Variants in MCPH1 observed in about 807,000 individuals in gnomAD.
MCPH1 encodes microcephalin 1, also known as microcephalin.
A neutral mutation model predicts 84.5 loss-of-function variants in MCPH1; 104 were observed. The ratio of observed to expected loss-of-function variants is 1.23; its 90% CI spans 1.05 to 1.45. The LOEUF (loss-of-function observed/expected upper bound fraction) is 1.45. Ranked by LOEUF, MCPH1 falls within the 40% of genes most tolerant of loss-of-function variation. The pLI is 0.00. For synonymous variants in MCPH1, 514 were observed against 366.8 expected, an observed-to-expected ratio of 1.40 and a Z score of -4.58; for missense variants, 1,498 against 1,005.7, an observed-to-expected ratio of 1.49 and a Z score of -6.62.
intron 11 of MCPH1, among the ~76,000 whole-genome samples, chr8:6,484,816 A>C (rs1435567503): frequency 6.6e-6 from 1 of 152,224 alleles, no homozygotes. Context: ...GACAAGGCCA[A>C]ACTATAGGGA....
intron 3 of MCPH1, among the ~76,000 whole-genome samples, chr8:6,416,673 T>G (rs1000424787): frequency 1.3e-5 from 2 of 152,182 alleles, no homozygotes; most frequent in Admixed American, 6.5e-5. Flanking sequence ...TTGGTCATGT[T>G]GTATACGTTG....
chr8:6,540,658 A>C (rs1250841988), intron 12 of MCPH1, among the ~76,000 whole-genome samples: 1 of 152,264 alleles, frequency 6.6e-6, no homozygotes, highest in Non-Finnish European at 1.5e-5. Flanking sequence ...CAATGACAAA[A>C]TGCTTCTCAG....
chr8:6,497,578 A>G (rs564314122), intron 11 of MCPH1, among the ~76,000 whole-genome samples: 14 of 152,266 alleles, frequency 9.2e-5, no homozygotes, highest in South Asian at 4.1e-4. Context: ...CCATCATAAT[A>G]TATGCTTTTC....
chr8:6,527,899 A>ATTTTTT (rs71213313), intron 12 of MCPH1, among the ~76,000 whole-genome samples: 1 of 133,122 alleles, frequency 7.5e-6, no homozygotes, highest in East Asian at 2.2e-4. Context: ...CCACGTCTCT[A>ATTTTTT]TTTTTTTTTT....
chr8:6,420,826 G>T (rs1480240334), intron 3 of MCPH1, among the ~76,000 whole-genome samples: 3 of 152,176 alleles, frequency 2.0e-5, no homozygotes, highest in Non-Finnish European at 4.4e-5. Context: ...TGGGTTTGCA[G>T]CAACTTCAGT....
chr8:6,543,740 C>G (rs911755564), intron 12 of MCPH1, among the ~76,000 whole-genome samples: 1 of 152,090 alleles, frequency 6.6e-6, no homozygotes, highest in Non-Finnish European at 1.5e-5. Flanking sequence ...GATGATCTGT[C>G]CCTTCGACCT....
chr8:6,643,458 T>G lies in MCPH1; in HGVS notation c.*409T>G, dbSNP rs1272508327. On this transcript the variant is annotated 3_prime_UTR_variant, in exon 14 of 14. Coordinates refer to ENST00000344683, the MANE Select transcript of MCPH1 (RefSeq NM_024596.5). ...TTTTGTAGTTTTAGTAGAGACAGGG[T>G]TTCGCCATGTTGGCCAGGCTGGTCT... 1 of 247,742 alleles carries G rather than the reference T, an allele frequency of 4.0e-6. No homozygotes were observed. 15.3% of individuals were successfully genotyped at this position (247,742 alleles called of 1,614,324 possible). A position where few individuals can be genotyped will look rare whatever the true frequency, so the allele number is the denominator to read the frequency against.
At chr8:6,438,328 G>A (rs534039999) in intron 5 of MCPH1, among the ~76,000 whole-genome samples, 184 of 152,300 alleles carry the variant, frequency 1.2e-3, no homozygotes, top group African/African-American at 4.4e-3. Flanking sequence ...TCAGGCTTAA[G>A]AGTCCCAAAG....
At chr8:6,432,578 C>G (rs2916761) in intron 4 of MCPH1, among the ~76,000 whole-genome samples, 2,266 of 152,332 alleles carry the variant, frequency 0.015, 58 homozygotes, top group African/African-American at 0.051. Context: ...TCTGAAACAT[C>G]ACAGCCAGCT....
intron 12 of MCPH1, among the ~76,000 whole-genome samples, chr8:6,584,421 G>T (rs1400157337): frequency 6.6e-6 from 1 of 152,186 alleles, no homozygotes. Flanking sequence ...ACAGCAGATG[G>T]AGATTATTGT....
At chr8:6,540,927 C>G (rs370786191) in intron 12 of MCPH1, among the ~76,000 whole-genome samples, 8 of 152,352 alleles carry the variant, frequency 5.3e-5, no homozygotes, top group East Asian at 3.9e-4. Flanking sequence ...GACAGTGTCT[C>G]AGAACATCCA....
chr8:6,428,809 G>C (rs1348194802), intron 3 of MCPH1, among the ~76,000 whole-genome samples: 1 of 152,164 alleles, frequency 6.6e-6, no homozygotes, highest in Non-Finnish European at 1.5e-5. Context: ...GAAAAACAAT[G>C]GTCTCTTTCT....
intron 12 of MCPH1, among the ~76,000 whole-genome samples, chr8:6,531,480 C>T (rs1488915460): frequency 1.3e-5 from 2 of 151,932 alleles, no homozygotes; most frequent in East Asian, 1.9e-4. Flanking sequence ...TTAGTAGAGA[C>T]GGGTTTTCGC....
At chr8:6,637,900 G>A (rs1328289322) in intron 13 of MCPH1, among the ~76,000 whole-genome samples, 1 of 152,182 alleles carries the variant, frequency 6.6e-6, no homozygotes, top group Non-Finnish European at 1.5e-5. Context: ...ATACATTTCA[G>A]AGCCAGGTGC....
At chr8:6,485,390 A>G (rs918360358) in intron 11 of MCPH1, among the ~76,000 whole-genome samples, 2 of 152,082 alleles carry the variant, frequency 1.3e-5, no homozygotes, top group Admixed American at 6.5e-5. Flanking sequence ...GAGCACTGGT[A>G]GGACCGGGCT....
intron 8 of MCPH1, among the ~76,000 whole-genome samples, chr8:6,453,207 T>C (rs1805281810): frequency 6.6e-6 from 1 of 152,190 alleles, no homozygotes; most frequent in African/African-American, 2.4e-5. Context: ...GTCCAACTAA[T>C]CTTTCCACAA....
At chr8:6,443,255 C>T (rs956664040) in intron 7 of MCPH1, among the ~76,000 whole-genome samples, 6 of 152,206 alleles carry the variant, frequency 3.9e-5, no homozygotes, top group African/African-American at 7.2e-5. Flanking sequence ...TCACAGATTA[C>T]ACTCTTAGTG....
intron 12 of MCPH1, among the ~76,000 whole-genome samples, chr8:6,604,376 G>A (rs1233995920): frequency 1.3e-5 from 2 of 152,222 alleles, no homozygotes; most frequent in Non-Finnish European, 1.5e-5. Flanking sequence ...CTCTGTTGTA[G>A]ACTCCACTAC....
intron 12 of MCPH1, among the ~76,000 whole-genome samples, chr8:6,613,582 G>A (rs1310500974): frequency 1.3e-5 from 2 of 151,954 alleles, no homozygotes; most frequent in African/African-American, 4.8e-5. Context: ...GAAGCTGCAA[G>A]GGATTCTGCA....
Sources: gnomAD v4.1 joint callset for allele counts (sites outside exome capture counted in the v4.1 genomes callset) on GRCh38, gnomAD v4.1.1 for gene constraint, MANE v1.5 for transcripts, NCBI Gene and HGNC (gene_info 2026-07-23, HGNC 2026-07-21) for gene names.